The following ABCB9 variants were observed in gnomAD, a reference collection of about 807,000 sequenced individuals.
The protein encoded by ABCB9 is ABC-type oligopeptide transporter ABCB9.
Under a neutral mutation model 62.0 loss-of-function variants are expected in ABCB9, and 36 were observed. That is an observed-to-expected ratio of 0.58 (90% CI 0.45 to 0.77). The LOEUF (loss-of-function observed/expected upper bound fraction) is 0.77. ABCB9 is among the 30% of genes least tolerant of loss of function. The pLI is 0.00. For synonymous variants in ABCB9, 435 were observed against 461.4 expected (o/e 0.94, Z 0.73); for missense variants, 943 against 1,054.7 (o/e 0.89, Z 1.47).
intron 2 of ABCB9, among the ~76,000 whole-genome samples, chr12:122,954,098 G>A (rs748213301): frequency 1.3e-5 from 2 of 151,872 alleles, no homozygotes; most frequent in Non-Finnish European, 1.5e-5. Context: ...GAGCTGGAGA[G>A]GTCAAGGCTG....
downstream of ABCB9, among the ~76,000 whole-genome samples, chr12:122,919,315 G>A (rs1038296596): frequency 1.1e-4 from 17 of 151,974 alleles, no homozygotes; most frequent in Middle Eastern, 3.2e-3. Flanking sequence ...TGGGACGACC[G>A]GTATGCACTA....
At chr12:122,971,948 A>G (rs939789699) in intron 1 of ABCB9, among the ~76,000 whole-genome samples, 1 of 151,986 alleles carries the variant, frequency 6.6e-6, no homozygotes, top group Non-Finnish European at 1.5e-5. Flanking sequence ...AAAAAAGGAA[A>G]TCTATTAAAA....
intron 1 of ABCB9, among the ~76,000 whole-genome samples, chr12:122,974,332 C>T (rs1440320564): frequency 6.6e-6 from 1 of 152,164 alleles, no homozygotes; most frequent in Non-Finnish European, 1.5e-5. Flanking sequence ...GGCAGCTCTG[C>T]ACGAGAAAAC....
intron 11 of ABCB9, among the ~76,000 whole-genome samples, chr12:122,922,419 G>A (rs1055681538): frequency 1.1e-4 from 17 of 151,964 alleles, no homozygotes; most frequent in African/African-American, 3.4e-4. Flanking sequence ...TCACTCTGTT[G>A]CCCAGGCTGG....
At position 122,949,767 on chromosome 12, in the gene ABCB9, T is replaced by C. The variant is rs142216269; in HGVS notation, c.847+21A>G. The stretch of plus-strand genomic sequence containing the variant: ...GGTGGGGCCCAGCCCCCAGGACACC[T>C]AGGGCACTGGAAGGACCAACCTGTG... On this transcript the variant is annotated intron_variant, in intron 4 of 11. Transcript: ENST00000280560. The C allele has an allele frequency of 1.1e-4, 180 of 1,613,662 alleles. No individual in the cohort carries two copies. In the African/African-American group the frequency reaches 2.1e-3, roughly 19 times the overall value.
Position 122,959,637 on chromosome 12 carries a change from A to C in ABCB9, c.599T>G (p.Leu200Arg). 6.4e-7 allele frequency: 1 copy of C among 1,552,006 alleles called. No individual in the cohort carries two copies. The highest frequency in any genetic ancestry group is 8.7e-7 in the Non-Finnish European group (1 of 1,145,842). Reference protein sequence around the residue: ...AASFFLIVAALGETFLPYYTG... With the variant: ...AASFFLIVAARGETFLPYYTG... ...ATGTCCCCGAGGTCCTTACTTACCC[A>C]GAGCTGCCACGATGAGGAAGAAGGA... is the stretch of plus-strand genomic sequence containing the variant. The change falls in exon 2 of 12, where the codon CTG becomes CGG. Residue 200 changes from leucine to arginine, a missense_variant and splice_region_variant. By Grantham distance (102) the Leu-to-Arg change is moderately radical. Transcript: ENST00000280560. This position sits in a 1 kb window ranked among gnomAD's most constrained non-coding sequence, Gnocchi z 5.4.
Position 122,935,430 on chromosome 12 carries a change from A to G in ABCB9, c.1745T>C (p.Ile582Thr). The G allele has an allele frequency of 9.3e-6, 15 of 1,612,916 alleles. No homozygotes were observed. Among genetic ancestry groups the G allele is most frequent in the Non-Finnish European group, 1.3e-5 (15 of 1,179,570 alleles). ...AYDHKYLHRVISLVSQEPVLF... is the reference protein window; with the variant it reads ...AYDHKYLHRVTSLVSQEPVLF... ...CACGGGCTCCTGGCTCACCAGGGAGATCTGGGGAGGAGGGAGCATGGAGCA... is the reference window on the plus strand; with the variant it reads ...CACGGGCTCCTGGCTCACCAGGGAGGTCTGGGGAGGAGGGAGCATGGAGCA... Residue 582 changes from isoleucine to threonine, a missense_variant and splice_region_variant, in exon 10 of 12, where the codon ATC (isoleucine) becomes ACC (threonine). Physicochemically the swap from Ile to Thr is moderately conservative, Grantham distance 89. Coordinates refer to ENST00000280560, the MANE Select transcript of ABCB9 (RefSeq NM_019625.4).
intron 2 of ABCB9, among the ~76,000 whole-genome samples, chr12:122,956,624 A>G (rs11060993): frequency 0.23 from 35,694 of 152,128 alleles, 7,989 homozygotes; most frequent in African/African-American, 0.59. Flanking sequence ...AGGTTCAAGC[A>G]ATTCTCCTGC....
intron 9 of ABCB9, among the ~76,000 whole-genome samples, chr12:122,937,367 A>G (rs1205042352): frequency 6.6e-6 from 1 of 152,078 alleles, no homozygotes; most frequent in African/African-American, 2.4e-5. Flanking sequence ...TTAAAAAAAA[A>G]AAAAGAAAAG....
At chr12:122,946,681 G>A (rs2135840378) in intron 5 of ABCB9, among the ~76,000 whole-genome samples, 1 of 152,354 alleles carries the variant, frequency 6.6e-6, no homozygotes, top group Non-Finnish European at 1.5e-5. Context: ...AATTATGTTA[G>A]AGCCTGAGGG....
chr12:122,965,301 C>G (rs1427086590), intron 1 of ABCB9, among the ~76,000 whole-genome samples: 1 of 152,226 alleles, frequency 6.6e-6, no homozygotes, highest in Non-Finnish European at 1.5e-5. Context: ...TTGGGTGGCC[C>G]AGTGGCCTCG....
At chr12:122,918,646 T>TG (rs560572240), downstream of ABCB9, among the ~76,000 whole-genome samples, 185 of 151,952 alleles carry the variant, frequency 1.2e-3, no homozygotes, top group Non-Finnish European at 2.1e-3. Context: ...TTTGTAGAGA[T>TG]GGGGTCTCCC....
intron 2 of ABCB9, among the ~76,000 whole-genome samples, chr12:122,955,740 C>G (rs1257405774): frequency 6.8e-6 from 1 of 146,568 alleles, no homozygotes; most frequent in Non-Finnish European, 1.5e-5. Context: ...GAGACGGAGT[C>G]TCACTTTGTT....
Position 122,940,561 on chromosome 12 carries a change from T to C in ABCB9, c.1569+246A>G, listed in dbSNP as rs2035703032. Among the ~76,000 whole-genome samples, 1 of 152,198 alleles carries C rather than the reference T, an allele frequency of 6.6e-6. No individual in the cohort carries two copies. Among genetic ancestry groups the C allele is most frequent in the Non-Finnish European group, 1.5e-5 (1 of 68,018 alleles). On this transcript the variant is annotated intron_variant, in intron 8 of 11. Coordinates refer to ENST00000280560, the MANE Select transcript of ABCB9 (RefSeq NM_019625.4). This position sits in a 1 kb window ranked among gnomAD's most constrained non-coding sequence, Gnocchi z 4.8. ...CCTCCTCCAAGAACCCCTTCTTGAC[T>C]GTTACCACCATTCCCATGGACCATC...
At position 122,950,893 on chromosome 12, in the gene ABCB9, G is replaced by A. The variant is rs142183542; in HGVS notation, c.602-328C>T. On this transcript the variant is annotated intron_variant, in intron 2 of 11. Transcript: ENST00000280560. ...AGGGTCTCGCTGTGTCCCCCGGGCT[G>A]GAGTGCAGTGGTGTAATCATAGCTC... 847 of 254,982 alleles carry A rather than the reference G, an allele frequency of 3.3e-3. 9 individuals carry two copies. The highest frequency in any genetic ancestry group is 0.015 in the African/African-American group (716 of 46,314). The allele number at this position is 254,982 out of a possible 1,614,324, so 15.8% of individuals were successfully genotyped here.
In ABCB9 at chr12:122,940,017, C is replaced by A; in HGVS notation, c.1743+94G>T. 6.9e-7 allele frequency: 1 copy of A among 1,445,650 alleles called. No individual in the cohort carries two copies. Among genetic ancestry groups the A allele is most frequent in the Non-Finnish European group, 9.3e-7 (1 of 1,072,422 alleles). 89.6% of individuals were successfully genotyped at this position (1,445,650 alleles called of 1,614,324 possible). A position where few individuals can be genotyped will look rare whatever the true frequency, so the allele number is the denominator to read the frequency against. ...ATAATTCTTTGAACTGTCCATTTAT[C>A]TCTAGTGCCCTCTTCCGCACCTGTT... On this transcript the variant is annotated intron_variant, in intron 9 of 11. Transcript: ENST00000280560. This position sits in a 1 kb window ranked among gnomAD's most constrained non-coding sequence, Gnocchi z 4.8.
intron 4 of ABCB9, chr12:122,949,132 C>T (rs1594037378): frequency 7.7e-6 from 2 of 259,256 alleles, no homozygotes; most frequent in East Asian, 1.5e-4. Context: ...ACTTCAAACC[C>T]ATGTCTCCTC....
downstream of ABCB9, chr12:122,924,955 C>CTCA: frequency 1.2e-6 from 1 of 861,084 alleles, no homozygotes; most frequent in Non-Finnish European, 1.8e-6. Flanking sequence ...CTCACTCTGT[C>CTCA]ACCCAGGCTG....
At chr12:122,968,312 T>C (rs1444446316), upstream of ABCB9, among the ~76,000 whole-genome samples, 2 of 152,232 alleles carry the variant, frequency 1.3e-5, no homozygotes, top group Non-Finnish European at 2.9e-5. Flanking sequence ...ACTTTGCCTA[T>C]CTGAGCCTGT....
Sources: gnomAD v4.1 joint callset for allele counts (sites outside exome capture counted in the v4.1 genomes callset) on GRCh38, gnomAD v4.1.1 for gene constraint, Gnocchi (gnomAD v3.1) non-coding constraint, MANE v1.5 for transcripts, NCBI Gene and HGNC (gene_info 2026-07-23, HGNC 2026-07-21) for gene names.